Variants in TMTC1 observed in about 807,000 individuals in gnomAD.
TMTC1 encodes the protein transmembrane O-mannosyltransferase targeting cadherins 1.
In TMTC1, 73 loss-of-function variants were observed where a neutral mutation model predicts 104.8. The ratio of observed to expected loss-of-function variants is 0.70; its 90% CI spans 0.58 to 0.85. TMTC1 has a LOEUF of 0.85. Ranked by LOEUF, TMTC1 falls within the 40% of genes least tolerant of loss-of-function variation. TMTC1 has a pLI of 0.00. For synonymous variants in TMTC1, 434 were observed against 428.7 expected (o/e 1.01, Z -0.15); for missense variants, 1,035 against 1,096.1 (o/e 0.94, Z 0.79).
intron 5 of TMTC1, among the ~76,000 whole-genome samples, chr12:29,751,381 G>C (rs1943086173): frequency 2.0e-5 from 3 of 152,120 alleles, no homozygotes; most frequent in Non-Finnish European, 4.4e-5. Flanking sequence ...AGGAAACGTA[G>C]GGCGCCCATC....
intron 11 of TMTC1, among the ~76,000 whole-genome samples, chr12:29,529,699 T>G (rs993609078): frequency 7.2e-5 from 11 of 152,174 alleles, no homozygotes; most frequent in Non-Finnish European, 1.5e-4. Flanking sequence ...ACGAGACAGT[T>G]CCTCCACCCA....
At chr12:29,743,487 T>C (rs73077420) in intron 5 of TMTC1, among the ~76,000 whole-genome samples, 331 of 152,202 alleles carry the variant, frequency 2.2e-3, no homozygotes, top group Non-Finnish European at 3.9e-3. Context: ...CTTCTGAGGA[T>C]AAATGTCCTT....
Position 29,731,314 on chromosome 12 carries a change from GC to G in TMTC1, c.938+20351del, listed in dbSNP as rs1400156190. On this transcript the variant is annotated intron_variant, in intron 5 of 17. Coordinates refer to ENST00000539277, the MANE Select transcript of TMTC1 (RefSeq NM_001193451.2). Reference sequence around the variant, plus strand: ...TGGGATTACAGATGTCTGCCACCATGCCCGGCTAATTTCTGTATCTTTAGTA... The same window carrying G: ...TGGGATTACAGATGTCTGCCACCATGCCGGCTAATTTCTGTATCTTTAGTA... Among the ~76,000 whole-genome samples the G allele has an allele frequency of 2.6e-5, 4 of 152,260 alleles. No homozygotes were observed. The East Asian group carries it at 7.7e-4, about 29-fold the overall frequency.
chr12:29,749,818 C>G (rs1015655086), intron 5 of TMTC1, among the ~76,000 whole-genome samples: 5 of 152,060 alleles, frequency 3.3e-5, no homozygotes, highest in Admixed American at 2.0e-4. Flanking sequence ...CTTCCTTTCC[C>G]TCTCCCCATC....
chr12:29,520,539 G>T, intron 12 of TMTC1, 79 bp downstream of exon 12: 1 of 1,241,824 alleles, frequency 8.1e-7, no homozygotes, highest in South Asian at 1.3e-5. Context: ...TTACTTCTGA[G>T]GATTATTTGC....
chr12:29,555,173 T>C (rs902030042), intron 10 of TMTC1, among the ~76,000 whole-genome samples: 1 of 129,974 alleles, frequency 7.7e-6, no homozygotes, highest in Non-Finnish European at 1.6e-5. Context: ...AGTCTCACTC[T>C]GTCACCCAGG....
At chr12:29,520,051 C>T (rs767074083) in intron 12 of TMTC1, among the ~76,000 whole-genome samples, 3 of 152,158 alleles carry the variant, frequency 2.0e-5, no homozygotes, top group Non-Finnish European at 4.4e-5. Flanking sequence ...TACAGAGGCA[C>T]TACATAAGTC....
At chr12:29,703,617 T>G (rs2136808842) in intron 5 of TMTC1, among the ~76,000 whole-genome samples, 1 of 152,298 alleles carries the variant, frequency 6.6e-6, no homozygotes, top group South Asian at 2.1e-4. Context: ...GCAACCACAA[T>G]GAGGCAATGA....
At position 29,517,478 on chromosome 12, in the gene TMTC1, G is replaced by T; in HGVS notation, c.2118C>A (p.Tyr706Ter). 6.2e-7 allele frequency: 1 copy of T among 1,614,098 alleles called. No individual in the cohort carries two copies. The highest frequency in any genetic ancestry group is 8.5e-7 in the Non-Finnish European group (1 of 1,180,010). ...AAGGCTGAAGTGCTGCAGCTTCCTGGTAAATCTGCAAAGCCTCTTCGTATC... is the reference window on the plus strand; with the variant it reads ...AAGGCTGAAGTGCTGCAGCTTCCTGTTAAATCTGCAAAGCCTCTTCGTATC... ...TGRYEEALQI[Y>*]QEAAALQPSQ... is the part of the protein sequence containing the mutation. Residue 706 changes from tyrosine to a stop codon, truncating the protein, a stop_gained, in exon 14 of 18, where the codon TAC (tyrosine) becomes TAA (stop). Transcript: ENST00000539277. LOFTEE classifies it high-confidence loss of function.
chr12:29,687,658 C>T (rs1941137073), intron 5 of TMTC1, among the ~76,000 whole-genome samples: 1 of 152,234 alleles, frequency 6.6e-6, no homozygotes, highest in Non-Finnish European at 1.5e-5. Flanking sequence ...TTAGCTAGGA[C>T]TGTCACTACA....
chr12:29,613,092 G>C (rs1946887213), intron 6 of TMTC1, among the ~76,000 whole-genome samples: 1 of 152,168 alleles, frequency 6.6e-6, no homozygotes, highest in Non-Finnish European at 1.5e-5. Flanking sequence ...GAATTTTTCA[G>C]GAATGTAACA....
intron 1 of TMTC1, among the ~76,000 whole-genome samples, chr12:29,779,197 A>T (rs959076469): frequency 2.0e-5 from 3 of 152,176 alleles, no homozygotes; most frequent in Non-Finnish European, 4.4e-5. Flanking sequence ...TCTGTGACAA[A>T]CTGCAAGAGG....
intron 5 of TMTC1, 111 bp from the exon 6 acceptor site, chr12:29,633,447 T>C: frequency 1.1e-6 from 1 of 889,650 alleles, no homozygotes; most frequent in Non-Finnish European, 1.7e-6. Flanking sequence ...CAATGTTATC[T>C]TGGAGGAGAA....
chr12:29,514,660 A>G, intron 15 of TMTC1, 56 bp from the exon 16 acceptor site: 4 of 1,546,890 alleles, frequency 2.6e-6, no homozygotes, highest in Non-Finnish European at 3.5e-6. Context: ...AGAAAAACTT[A>G]TTTAACTGAT....
intron 7 of TMTC1, among the ~76,000 whole-genome samples, chr12:29,601,077 T>G (rs776739023): frequency 2.6e-5 from 4 of 152,232 alleles, no homozygotes; most frequent in Non-Finnish European, 4.4e-5. Context: ...TTTTCAGTAC[T>G]TTTATTTTAA....
intron 5 of TMTC1, among the ~76,000 whole-genome samples, chr12:29,699,738 G>A (rs764044830): frequency 8.8e-5 from 12 of 135,630 alleles, no homozygotes; most frequent in Non-Finnish European, 1.7e-4. Context: ...CTGCAGCATC[G>A]ACCTCCCGGG....
At chr12:29,670,956 T>A (rs1371492299) in intron 5 of TMTC1, among the ~76,000 whole-genome samples, 2 of 57,310 alleles carry the variant, frequency 3.5e-5, no homozygotes, top group African/African-American at 7.9e-5. Context: ...AAAAAAAGGA[T>A]AGGAATTCAG....
chr12:29,652,135 A>G (rs1404935954), intron 5 of TMTC1, among the ~76,000 whole-genome samples: 1 of 152,228 alleles, frequency 6.6e-6, no homozygotes, highest in Non-Finnish European at 1.5e-5. Flanking sequence ...GCACAAAAAA[A>G]GGAAAGAAGA....
intron 5 of TMTC1, among the ~76,000 whole-genome samples, chr12:29,683,635 G>A (rs189640035): frequency 4.5e-4 from 69 of 152,252 alleles, no homozygotes; most frequent in African/African-American, 1.6e-3. Context: ...GCTGCTAAAT[G>A]CGACTGTATA....
Sources: gnomAD v4.1 joint callset for allele counts (sites outside exome capture counted in the v4.1 genomes callset) on GRCh38, gnomAD v4.1.1 for gene constraint, MANE v1.5 for transcripts, NCBI Gene and HGNC (gene_info 2026-07-23, HGNC 2026-07-21) for gene names.